NELL1: variants seen among roughly 807,000 people sequenced by gnomAD.
NELL1 encodes protein kinase C-binding protein NELL1.
Under a neutral mutation model 107.4 loss-of-function variants are expected in NELL1, and 76 were observed. That is an observed-to-expected ratio of 0.71 (90% confidence interval 0.59 to 0.86). NELL1 has a LOEUF of 0.86. Ranked by LOEUF, NELL1 falls within the 40% of genes least tolerant of loss-of-function variation. The pLI is 0.00. For missense variants in NELL1, 1,024 were observed against 1,005.5 expected (o/e 1.02, Z -0.25); for synonymous variants, 353 against 341.2 (o/e 1.03, Z -0.38).
intron 2 of NELL1, among the ~76,000 whole-genome samples, chr11:20,679,029 T>C (rs1318461757): frequency 6.6e-6 from 1 of 152,152 alleles, no homozygotes; most frequent in Non-Finnish European, 1.5e-5. Context: ...AAAAAGACTT[T>C]CGCATGGCGG....
chr11:21,319,631 C>T (rs936410194), intron 14 of NELL1, among the ~76,000 whole-genome samples: 2 of 151,466 alleles, frequency 1.3e-5, no homozygotes, highest in Non-Finnish European at 2.9e-5. Flanking sequence ...CGTGTGTCAC[C>T]GCGCCCAGCC....
At chr11:21,270,399 C>T (rs1385481826) in intron 14 of NELL1, among the ~76,000 whole-genome samples, 1 of 151,978 alleles carries the variant, frequency 6.6e-6, no homozygotes, top group Non-Finnish European at 1.5e-5. Flanking sequence ...ATTTCTGACA[C>T]AACAGACTTC....
In NELL1 at chr11:21,122,384, A is replaced by G. The variant is rs190852991; in HGVS notation, c.1426+8670A>G. The stretch of plus-strand genomic sequence containing the variant: ...ACTCTATCCACATTCAGGTCATACA[A>G]TGAATGGACATTTCTCTTTAACAAC... On this transcript the variant is annotated intron_variant, in intron 13 of 19. Transcript: ENST00000357134. 2.2e-3 allele frequency among the ~76,000 whole-genome samples: 332 copies of G among 152,330 alleles called. 2 individuals are homozygous for G. The highest frequency in any genetic ancestry group is 7.4e-3 in the African/African-American group (308 of 41,584).
At chr11:20,697,843 T>G (rs1703639050) in intron 2 of NELL1, among the ~76,000 whole-genome samples, 1 of 152,138 alleles carries the variant, frequency 6.6e-6, no homozygotes, top group South Asian at 2.1e-4. Context: ...TGTGGTTTCT[T>G]TTTCATAGGA....
At chr11:20,789,494 C>T (rs1273986945) in intron 3 of NELL1, among the ~76,000 whole-genome samples, 1 of 152,208 alleles carries the variant, frequency 6.6e-6, no homozygotes, top group African/African-American at 2.4e-5. Flanking sequence ...AGCCCTGGCT[C>T]GGGGAGCCCA....
intron 12 of NELL1, among the ~76,000 whole-genome samples, chr11:21,052,198 T>A (rs1217389744): frequency 6.6e-6 from 1 of 151,662 alleles, no homozygotes; most frequent in Non-Finnish European, 1.5e-5. Context: ...TGTGGTGAGA[T>A]GGGGGAAAGT....
intron 16 of NELL1, among the ~76,000 whole-genome samples, chr11:21,550,537 C>G (rs1283005737): frequency 3.9e-5 from 6 of 151,944 alleles, no homozygotes. Flanking sequence ...AGGAAGGGAT[C>G]CAGTTTCAGC....
intron 12 of NELL1, among the ~76,000 whole-genome samples, chr11:21,030,792 A>T (rs1852937237): frequency 6.6e-6 from 1 of 152,098 alleles, no homozygotes; most frequent in Non-Finnish European, 1.5e-5. Context: ...ATCACCAATA[A>T]TTTGAACCCC....
intron 4 of NELL1, among the ~76,000 whole-genome samples, chr11:20,854,758 T>C (rs1428567391): frequency 6.6e-6 from 1 of 152,102 alleles, no homozygotes; most frequent in Non-Finnish European, 1.5e-5. Context: ...CCTTGGTAGC[T>C]CGGTGACCTA....
chr11:20,886,118 A>G (rs1849503016), intron 5 of NELL1, among the ~76,000 whole-genome samples: 1 of 152,150 alleles, frequency 6.6e-6, no homozygotes, highest in South Asian at 2.1e-4. Flanking sequence ...TGGGAGGGAG[A>G]GAGGGAGCCA....
intron 14 of NELL1, among the ~76,000 whole-genome samples, chr11:21,266,593 T>G (rs900749797): frequency 6.6e-6 from 1 of 152,092 alleles, no homozygotes; most frequent in African/African-American, 2.4e-5. Flanking sequence ...GACACCCTTC[T>G]CTCTCTCTTT....
At chr11:20,864,505 C>T (rs1849058520) in intron 4 of NELL1, among the ~76,000 whole-genome samples, 1 of 152,196 alleles carries the variant, frequency 6.6e-6, no homozygotes, top group African/African-American at 2.4e-5. Context: ...CTTCAAAAGA[C>T]CCAGGGCCTT....
upstream of NELL1, chr11:20,669,581 G>T (rs1375704792): frequency 5.3e-6 from 3 of 567,716 alleles, no homozygotes; most frequent in Middle Eastern, 4.1e-4. The surrounding 1 kb of genome is among the most constrained non-coding windows in gnomAD (Gnocchi z 4.4). Flanking sequence ...ATATGCGAGC[G>T]CAGCACCCGG....
chr11:20,928,946 T>C (rs1477416168), intron 9 of NELL1, among the ~76,000 whole-genome samples: 2 of 152,204 alleles, frequency 1.3e-5, no homozygotes, highest in South Asian at 2.1e-4. Flanking sequence ...TGAAATTCAG[T>C]TAAAATACTG....
intron 12 of NELL1, among the ~76,000 whole-genome samples, chr11:21,080,936 C>A (rs1373889119): frequency 6.6e-6 from 1 of 151,656 alleles, no homozygotes; most frequent in East Asian, 1.9e-4. Flanking sequence ...TAAAATGGTA[C>A]CTTATTATTT....
At chr11:21,523,215 A>G (rs1855772117) in intron 15 of NELL1, among the ~76,000 whole-genome samples, 1 of 152,130 alleles carries the variant, frequency 6.6e-6, no homozygotes, top group Admixed American at 6.6e-5. Flanking sequence ...TACATGGAAT[A>G]TCTTTCCCCA....
At chr11:20,859,539 G>T (rs1050835231) in intron 4 of NELL1, among the ~76,000 whole-genome samples, 1 of 152,174 alleles carries the variant, frequency 6.6e-6, no homozygotes, top group Non-Finnish European at 1.5e-5. Flanking sequence ...ATGTGGAGTA[G>T]ACGTTACACT....
chr11:21,119,729 C>G (rs766250223), intron 13 of NELL1, among the ~76,000 whole-genome samples: 21 of 151,962 alleles, frequency 1.4e-4, no homozygotes, highest in Non-Finnish European at 3.1e-4. Context: ...TGGAAGAGGT[C>G]CCTGAAATGG....
At chr11:20,832,535 T>C (rs568409108) in intron 3 of NELL1, among the ~76,000 whole-genome samples, 37 of 152,282 alleles carry the variant, frequency 2.4e-4, no homozygotes, top group African/African-American at 8.4e-4. Flanking sequence ...ATTTTTGAAA[T>C]AAATGAATGA....
Sources: gnomAD v4.1 joint callset for allele counts (sites outside exome capture counted in the v4.1 genomes callset) on GRCh38, gnomAD v4.1.1 for gene constraint, Gnocchi (gnomAD v3.1) non-coding constraint, MANE v1.5 for transcripts, NCBI Gene and HGNC (gene_info 2026-07-23, HGNC 2026-07-21) for gene names.